Variants in CDIN1 observed in about 807,000 individuals in gnomAD.
CDIN1 encodes the protein CDAN1 interacting nuclease 1.
A neutral mutation model predicts 45.3 loss-of-function variants in CDIN1; 33 were observed. The observed-to-expected ratio is 0.73, with a 90% confidence interval of 0.55 to 0.97. CDIN1 has a LOEUF of 0.97. Among genes scored for constraint, CDIN1 ranks in the 50% least tolerant of loss-of-function variants. The probability of loss-of-function intolerance (pLI) is 0.00; values close to 1 mark genes in which losing one functional copy is unlikely to be tolerated. For synonymous variants in CDIN1, 118 were observed against 124.4 expected, an observed-to-expected ratio of 0.95 and a Z score of 0.34; for missense variants, 303 against 339.4, an observed-to-expected ratio of 0.89 and a Z score of 0.84.
At chr15:36,705,726 C>CTATGA (rs1326532561) in intron 8 of CDIN1, 1 of 152,110 alleles carries the variant, frequency 6.6e-6, no homozygotes, top group South Asian at 2.1e-4. Context: ...AGCACTTGAA[C>CTATGA]TATGACATTA....
intron 5 of CDIN1, among the ~76,000 whole-genome samples, chr15:36,676,002 A>G (rs1428682753): frequency 1.3e-5 from 2 of 152,098 alleles, no homozygotes; most frequent in Non-Finnish European, 2.9e-5. Flanking sequence ...TGTGTTGGAT[A>G]ATGGGCAGAA....
intron 5 of CDIN1, among the ~76,000 whole-genome samples, chr15:36,664,912 T>A (rs2041190668): frequency 6.6e-6 from 1 of 152,212 alleles, no homozygotes; most frequent in Admixed American, 6.5e-5. Flanking sequence ...CTTTTTATAT[T>A]CTTGTAAAAT....
At chr15:36,744,526 G>T (rs1419153962) in intron 10 of CDIN1, among the ~76,000 whole-genome samples, 2 of 152,168 alleles carry the variant, frequency 1.3e-5, no homozygotes, top group African/African-American at 2.4e-5. Context: ...ATGCAGAAAT[G>T]AACAAGACAG....
chr15:36,661,147 A>G (rs938137225), intron 5 of CDIN1, among the ~76,000 whole-genome samples: 1 of 152,234 alleles, frequency 6.6e-6, no homozygotes, highest in Non-Finnish European at 1.5e-5. Context: ...CAAGGCTTCC[A>G]GCTCCTTGTC....
intron 10 of CDIN1, among the ~76,000 whole-genome samples, chr15:36,740,778 A>T (rs2044207460): frequency 6.6e-6 from 1 of 151,882 alleles, no homozygotes; most frequent in South Asian, 2.1e-4. Flanking sequence ...AATCCCGGTT[A>T]TTCTGGAGGC....
chr15:36,760,998 T>G (rs1236967275), intron 10 of CDIN1, among the ~76,000 whole-genome samples: 1 of 152,194 alleles, frequency 6.6e-6, no homozygotes, highest in Non-Finnish European at 1.5e-5. Context: ...TCATTGTTAC[T>G]TTCCTTCCCC....
At chr15:36,725,541 T>G (rs1352646464) in intron 10 of CDIN1, among the ~76,000 whole-genome samples, 1 of 152,158 alleles carries the variant, frequency 6.6e-6, no homozygotes, top group Non-Finnish European at 1.5e-5. Flanking sequence ...TTCAGAAGTT[T>G]GAGGATTACT....
At chr15:36,797,637 A>G (rs1259331844) in intron 10 of CDIN1, among the ~76,000 whole-genome samples, 3 of 151,490 alleles carry the variant, frequency 2.0e-5, no homozygotes. Context: ...GCTCTTCAGA[A>G]GTGTACAACT....
At chr15:36,679,495 G>C (rs923451435) in intron 5 of CDIN1, among the ~76,000 whole-genome samples, 1 of 152,132 alleles carries the variant, frequency 6.6e-6, no homozygotes, top group Admixed American at 6.5e-5. Flanking sequence ...GGAAGAGCCA[G>C]GCCTCGAACC....
At chr15:36,691,098 A>G (rs1595477172) in intron 5 of CDIN1, 1 of 507,962 alleles carries the variant, frequency 2.0e-6, no homozygotes, top group East Asian at 5.6e-5. Context: ...AGATTCTCTC[A>G]ATTCAGTCAG....
chr15:36,806,348 A>C (rs1438105277), intron 10 of CDIN1, among the ~76,000 whole-genome samples: 1 of 152,192 alleles, frequency 6.6e-6, no homozygotes, highest in Non-Finnish European at 1.5e-5. Context: ...AAGAAAGTGC[A>C]GGCTGCTCTC....
intron 10 of CDIN1, among the ~76,000 whole-genome samples, chr15:36,764,470 G>T (rs2053858803): frequency 6.6e-6 from 1 of 152,156 alleles, no homozygotes; most frequent in African/African-American, 2.4e-5. Context: ...AAGGTATTTA[G>T]TAGGCAAGAA....
chr15:36,801,603 T>C (rs2055050115), intron 10 of CDIN1, among the ~76,000 whole-genome samples: 1 of 152,172 alleles, frequency 6.6e-6, no homozygotes, highest in South Asian at 2.1e-4. Context: ...TTTATTTCCA[T>C]TTATATGAAC....
intron 10 of CDIN1, among the ~76,000 whole-genome samples, chr15:36,790,986 C>G (rs576656748): frequency 6.6e-6 from 1 of 152,220 alleles, no homozygotes; most frequent in South Asian, 2.1e-4. Context: ...TTTTTCTGAT[C>G]CTCTCCCTCC....
chr15:36,649,325 A>T (rs1353286676), intron 3 of CDIN1, among the ~76,000 whole-genome samples: 3 of 152,202 alleles, frequency 2.0e-5, no homozygotes, highest in Non-Finnish European at 2.9e-5. Flanking sequence ...TCTGGCAAAG[A>T]TCTGAATTGC....
rs116797245 is a variant in CDIN1 at position 36,792,791 on chromosome 15, C to T, written c.717-15533C>T. ...AGGATCACCCTCAGGCGAAGGCCTC[C>T]TTTGTACTTGATAGGATTGGGCTTT... On this transcript the variant is annotated intron_variant, in intron 10 of 10. Transcript: ENST00000566621. Among the ~76,000 whole-genome samples the T allele has an allele frequency of 5.9e-3, 897 of 152,234 alleles. 10 individuals are homozygous for T. The highest frequency in any genetic ancestry group is 0.02 in the African/African-American group (842 of 41,534).
At chr15:36,598,862 A>G (rs566715945) in intron 1 of CDIN1, among the ~76,000 whole-genome samples, 123 of 151,016 alleles carry the variant, frequency 8.1e-4, no homozygotes, top group African/African-American at 2.9e-3. Context: ...CATGGTAGTT[A>G]CTTTTACCTG....
chr15:36,796,834 G>A (rs889417781), intron 10 of CDIN1, among the ~76,000 whole-genome samples: 4 of 152,110 alleles, frequency 2.6e-5, no homozygotes, highest in East Asian at 1.9e-4. Flanking sequence ...ATATAATCAG[G>A]TACCATCTTT....
intron 1 of CDIN1, among the ~76,000 whole-genome samples, chr15:36,588,551 A>C (rs1279345377): frequency 6.6e-6 from 1 of 152,218 alleles, no homozygotes; most frequent in African/African-American, 2.4e-5. Context: ...CTTTAAAATT[A>C]ATATTCATAC....
Sources: gnomAD v4.1 joint callset for allele counts (sites outside exome capture counted in the v4.1 genomes callset) on GRCh38, gnomAD v4.1.1 for gene constraint, MANE v1.5 for transcripts, NCBI Gene and HGNC (gene_info 2026-07-23, HGNC 2026-07-21) for gene names.